RGS17: variants seen among roughly 807,000 people sequenced by gnomAD.
RGS17 encodes regulator of G protein signaling 17, also known as regulator of G-protein signaling 17.
In RGS17, 12 loss-of-function variants were observed where a neutral mutation model predicts 25.5. The ratio of observed to expected loss-of-function variants is 0.47; its 90% CI spans 0.30 to 0.76. The LOEUF (loss-of-function observed/expected upper bound fraction) is 0.76. Among genes scored for constraint, RGS17 ranks in the 30% least tolerant of loss-of-function variants. RGS17 has a pLI of 0.07. For synonymous variants in RGS17, 71 were observed against 76.9 expected (o/e 0.92, Z 0.40); for missense variants, 196 against 242.2 (o/e 0.81, Z 1.27).
chr6:153,040,512 C>T (rs1313416993), intron 2 of RGS17, among the ~76,000 whole-genome samples: 1 of 152,022 alleles, frequency 6.6e-6, no homozygotes, highest in Non-Finnish European at 1.5e-5. Flanking sequence ...TTTCTTACCA[C>T]TCTATTTCCT....
In RGS17 at chr6:153,036,707, C is replaced by T. The variant is rs539949639; in HGVS notation, c.119+7193G>A. On this transcript the variant is annotated intron_variant, in intron 2 of 4. Transcript: ENST00000206262. ...GATGGGATCACCAGCAACCCAGCTACTCATGCAAGCAATATGGAGTCATCC... is the reference window on the plus strand; with the variant it reads ...GATGGGATCACCAGCAACCCAGCTATTCATGCAAGCAATATGGAGTCATCC... Among the ~76,000 whole-genome samples, 8 of 152,340 alleles carry T rather than the reference C, an allele frequency of 5.3e-5. No individual in the cohort carries two copies. The South Asian group carries it at 1.7e-3, about 32-fold the overall frequency.
chr6:153,030,376 A>G (rs1231609183), intron 2 of RGS17, among the ~76,000 whole-genome samples: 2 of 152,240 alleles, frequency 1.3e-5, no homozygotes, highest in Non-Finnish European at 2.9e-5. Flanking sequence ...AAATGGTTGC[A>G]AAGAAGATAA....
intron 1 of RGS17, among the ~76,000 whole-genome samples, chr6:153,078,736 G>T (rs1269171033): frequency 1.3e-5 from 2 of 151,922 alleles, no homozygotes; most frequent in East Asian, 3.9e-4. Context: ...TGAAAACAAT[G>T]TCAGGCGCTT....
intron 1 of RGS17, among the ~76,000 whole-genome samples, chr6:153,122,972 C>T (rs1281964085): frequency 6.7e-6 from 1 of 150,298 alleles, no homozygotes; most frequent in Non-Finnish European, 1.5e-5. Context: ...ATTTAATACT[C>T]CAATGTACAT....
At chr6:153,101,733 TAGTG>T (rs1367461799) in intron 1 of RGS17, among the ~76,000 whole-genome samples, 26 of 152,152 alleles carry the variant, frequency 1.7e-4, no homozygotes, top group African/African-American at 5.8e-4. Flanking sequence ...GTTCTTGTGA[TAGTG>T]AGTGAGTTCT....
At chr6:153,097,576 T>G (rs1446467657) in intron 1 of RGS17, among the ~76,000 whole-genome samples, 2 of 152,062 alleles carry the variant, frequency 1.3e-5, no homozygotes, top group East Asian at 3.9e-4. Context: ...GGGCGTGCAG[T>G]GGAGTCAAAG....
intron 1 of RGS17, among the ~76,000 whole-genome samples, chr6:153,047,866 C>T (rs543417265): frequency 6.6e-6 from 1 of 152,312 alleles, no homozygotes; most frequent in East Asian, 1.9e-4. Context: ...CTTTGAAATA[C>T]TTTCTTCTCT....
chr6:153,039,808 T>C lies in RGS17; in HGVS notation c.119+4092A>G, dbSNP rs79507725. 4.1e-3 allele frequency among the ~76,000 whole-genome samples: 621 copies of C among 152,358 alleles called. 4 individuals are homozygous for C. The highest frequency in any genetic ancestry group is 0.014 in the African/African-American group (581 of 41,584). ...GTTTCTAGTCTGCTCTGCACTTTTA[T>C]ATGTGTTATCTCACATGTGAGCATC... On this transcript the variant is annotated intron_variant, in intron 2 of 4. Transcript: ENST00000206262.
chr6:153,085,126 T>C (rs1239207200), intron 1 of RGS17, among the ~76,000 whole-genome samples: 1 of 152,196 alleles, frequency 6.6e-6, no homozygotes, highest in African/African-American at 2.4e-5. Flanking sequence ...CAGGACATAC[T>C]GTTTGTTTTA....
chr6:153,080,137 A>G (rs1776952476), intron 1 of RGS17, among the ~76,000 whole-genome samples: 1 of 152,090 alleles, frequency 6.6e-6, no homozygotes, highest in African/African-American at 2.4e-5. Flanking sequence ...ACACACCACC[A>G]TACCCAGCTA....
At chr6:153,077,093 C>A (rs1337179164) in intron 1 of RGS17, among the ~76,000 whole-genome samples, 1 of 152,288 alleles carries the variant, frequency 6.6e-6, no homozygotes, top group African/African-American at 2.4e-5. Flanking sequence ...ACAGGAGATA[C>A]TCACTCATCT....
chr6:153,026,461 C>G lies in RGS17; in HGVS notation c.202G>C (p.Glu68Gln). The G allele has an allele frequency of 1.9e-6, 3 of 1,611,546 alleles. No homozygotes were observed. Among genetic ancestry groups the G allele is most frequent in the Non-Finnish European group, 8.5e-7 (1 of 1,178,100 alleles). Residue 68 changes from glutamate (E) to glutamine (Q), a missense_variant, in exon 3 of 5, where the codon GAG (glutamate) becomes CAG (glutamine). Glu to Gln is a conservative substitution (Grantham distance 29, BLOSUM62 2). This residue lies in a region of RGS17 where 179 missense variants were observed against 197.6 expected (regional missense o/e 0.91). Coordinates refer to ENST00000206262, the MANE Select transcript of RGS17 (RefSeq NM_012419.5). ...TGTGGTTCTCACACTCACCATTCCT[C>G]TAGGACCTGGATACTCTCCATTTTT... ...TTKMESIQVL[E>Q]ECQNPTAEEV...
Position 153,096,865 on chromosome 6 carries a change from T to C in RGS17, c.-26+34259A>G, listed in dbSNP as rs370052864. On this transcript the variant is annotated intron_variant, in intron 1 of 4. Transcript: ENST00000206262. ...TTTTTGAAAGACTTCAGAAAGATGA[T>C]AGACAGCATCTGAAAAACATGGCCC... 3.7e-4 allele frequency among the ~76,000 whole-genome samples: 56 copies of C among 152,298 alleles called. No individual in the cohort carries two copies. In the South Asian group the frequency reaches 0.011, roughly 29 times the overall value.
intron 1 of RGS17, among the ~76,000 whole-genome samples, chr6:153,064,180 A>C (rs1776675861): frequency 6.6e-6 from 1 of 152,216 alleles, no homozygotes. Flanking sequence ...AGTACACAGA[A>C]AAACACAGAG....
Position 153,008,131 on chromosome 6 carries a change from G to A in RGS17, c.*3443C>T, listed in dbSNP as rs1779095652. ...TAAATTAGCTTAATGGGATGAAAATGTATTTTTGCTCCTAATAAATAAATA... is the reference window on the plus strand; with the variant it reads ...TAAATTAGCTTAATGGGATGAAAATATATTTTTGCTCCTAATAAATAAATA... On this transcript the variant is annotated 3_prime_UTR_variant, in exon 5 of 5. Coordinates refer to ENST00000206262, the MANE Select transcript of RGS17 (RefSeq NM_012419.5). 1 of 152,088 alleles carries A rather than the reference G, an allele frequency of 6.6e-6. No individual in the cohort carries two copies. Among genetic ancestry groups the A allele is most frequent in the Non-Finnish European group, 1.5e-5 (1 of 67,998 alleles). The allele number at this position is 152,088 out of a possible 1,614,324, so 9.4% of individuals were successfully genotyped here.
chr6:153,041,915 T>G (rs1776326038), intron 2 of RGS17, among the ~76,000 whole-genome samples: 1 of 152,234 alleles, frequency 6.6e-6, no homozygotes, highest in Non-Finnish European at 1.5e-5. Flanking sequence ...AAATGCTTAC[T>G]GTGTGTCAGA....
chr6:153,064,003 C>T (rs1187280790), intron 1 of RGS17, among the ~76,000 whole-genome samples: 1 of 152,004 alleles, frequency 6.6e-6, no homozygotes, highest in African/African-American at 2.4e-5. Flanking sequence ...CAAAAATATC[C>T]TTCAAACATG....
intron 1 of RGS17, among the ~76,000 whole-genome samples, chr6:153,124,447 AC>A (rs1777677816): frequency 6.6e-6 from 1 of 152,192 alleles, no homozygotes; most frequent in Non-Finnish European, 1.5e-5. Context: ...CGAAATTAAA[AC>A]CCCTTCAAGC....
At chr6:153,097,281 G>GTTTTTTGTTTT (rs1562333157) in intron 1 of RGS17, among the ~76,000 whole-genome samples, 1 of 124,244 alleles carries the variant, frequency 8.0e-6, no homozygotes, top group African/African-American at 3.1e-5. Context: ...AGACAATAGC[G>GTTTTTTGTTTT]TTTTTTTGAT....
Sources: allele counts gnomAD v4.1 joint callset (sites outside exome capture counted in the v4.1 genomes callset), GRCh38; gene constraint gnomAD v4.1.1; regional missense constraint gnomAD v4.1.1; transcripts MANE v1.5; gene names NCBI Gene and HGNC (gene_info 2026-07-23, HGNC 2026-07-21).